Variants in ACTN4 observed in about 807,000 individuals in gnomAD.
ACTN4 encodes alpha-actinin-4.
A neutral mutation model predicts 114.2 loss-of-function variants in ACTN4; 18 were observed. That is an observed-to-expected ratio of 0.16 (90% CI 0.11 to 0.23). ACTN4 has a LOEUF of 0.23. ACTN4 is among the 10% of genes least tolerant of loss of function. The probability of loss-of-function intolerance (pLI) is 1.00; values close to 1 mark genes in which losing one functional copy is unlikely to be tolerated. For synonymous variants in ACTN4, 515 were observed against 506.3 expected, an observed-to-expected ratio of 1.02 and a Z score of -0.23; for missense variants, 722 against 1,262.9, an observed-to-expected ratio of 0.57 and a Z score of 6.49.
intron 1 of ACTN4, among the ~76,000 whole-genome samples, chr19:38,681,345 T>C (rs1184555970): frequency 1.3e-5 from 2 of 151,956 alleles, no homozygotes; most frequent in African/African-American, 4.8e-5. Flanking sequence ...TGGTTTGGAT[T>C]GAGGCTCCCT....
rs187740309 is a variant in ACTN4, at chr19:38,731,019, G to A, written c.*1587G>A. 1.7e-3 allele frequency: 2,656 copies of A among 1,554,138 alleles called. 4 individuals are homozygous for A. Among genetic ancestry groups the A allele is most frequent in the Non-Finnish European group, 2.1e-3 (2,426 of 1,149,072 alleles). On this transcript the variant is annotated 3_prime_UTR_variant, in exon 21 of 21. Transcript: ENST00000252699. The stretch of plus-strand genomic sequence containing the variant: ...CACCCCCATCCAGGTGCTGGCTGCA[G>A]TGGCCTGTGCAGAGAGGGGCAGGGT...
At chr19:38,691,117 A>G (rs1967909499) in intron 1 of ACTN4, among the ~76,000 whole-genome samples, 1 of 152,220 alleles carries the variant, frequency 6.6e-6, no homozygotes, top group South Asian at 2.1e-4. Flanking sequence ...TGCAGTGAGT[A>G]AAACAATGCA....
chr19:38,728,292 G>A (rs1969317646), intron 19 of ACTN4: 1 of 1,530,394 alleles, frequency 6.5e-7, no homozygotes, highest in South Asian at 1.2e-5. Flanking sequence ...GGCCTCCTCT[G>A]CTATGCCTGC....
chr19:38,717,934 A>C lies in ACTN4; in HGVS notation c.1151A>C (p.Asn384Thr). The C allele has an allele frequency of 1.0e-5, 16 of 1,600,532 alleles. No individual in the cohort carries two copies. Among genetic ancestry groups the C allele is most frequent in the Non-Finnish European group, 1.4e-5 (16 of 1,173,170 alleles). ...PSEGKMVSDI[N>T]NGWQHLEQAE... ...GCTCCTGCCCTGCCCCAGGACATCA[A>C]CAATGGCTGGCAGCACTTGGAGCAG... Residue 384 changes from asparagine to threonine, a missense_variant, in exon 11 of 21, where the codon AAC becomes ACC. Asn to Thr is a moderately conservative substitution (Grantham distance 65, BLOSUM62 0). Coordinates refer to ENST00000252699, the MANE Select transcript of ACTN4 (RefSeq NM_004924.6). The surrounding 1 kb of genome is among the most constrained non-coding windows in gnomAD (Gnocchi z 4.0).
intron 19 of ACTN4, 34 bp from the exon 20 acceptor site, chr19:38,728,962 G>T: frequency 6.2e-7 from 1 of 1,611,468 alleles, no homozygotes; most frequent in Non-Finnish European, 8.5e-7. Flanking sequence ...CCCACTAAAT[G>T]TCGGGTGTCC....
chr19:38,708,156 G>A lies in ACTN4; in HGVS notation c.612G>A (p.Arg204=). 6.2e-7 allele frequency: 1 copy of A among 1,614,154 alleles called. No individual in the cohort carries two copies. The highest frequency in any genetic ancestry group is 1.1e-5 in the South Asian group (1 of 91,086). ...DGLAFNALIH[R]HRPELIEYDK... is the part of the protein sequence containing the mutation. ...TTGCCTTCAATGCCCTGATCCACCG[G>A]CACAGACCAGAGCTGATTGAGTATG... Residue 204 remains arginine (R), a synonymous_variant, in exon 6 of 21, where the codon CGG becomes CGA. Coordinates refer to ENST00000252699, the MANE Select transcript of ACTN4 (RefSeq NM_004924.6).
chr19:38,717,950 C>T lies in ACTN4; in HGVS notation c.1167C>T (p.His389=), dbSNP rs772186055. 6.2e-7 allele frequency: 1 copy of T among 1,605,586 alleles called. No individual in the cohort carries two copies. ...MVSDINNGWQ[H]LEQAEKGYEE... ...AGGACATCAACAATGGCTGGCAGCA[C>T]TTGGAGCAGGCTGAGAAGGGCTACG... Residue 389 remains histidine (H), a synonymous_variant, in exon 11 of 21, where the codon CAC becomes CAT. Coordinates refer to ENST00000252699, the MANE Select transcript of ACTN4 (RefSeq NM_004924.6). The surrounding 1 kb of genome is among the most constrained non-coding windows in gnomAD (Gnocchi z 4.0).
At chr19:38,691,409 A>C (rs1274133848) in intron 1 of ACTN4, among the ~76,000 whole-genome samples, 4 of 148,638 alleles carry the variant, frequency 2.7e-5, no homozygotes, top group South Asian at 2.2e-4. Flanking sequence ...CTCAAAAAAA[A>C]AAAAACAAAA....
At position 38,717,431 on chromosome 19, in the gene ACTN4, A is replaced by G. The variant is rs1968879133; in HGVS notation, c.1143+115A>G. 4.3e-6 allele frequency: 6 copies of G among 1,387,736 alleles called. No homozygotes were observed. The African/African-American group carries it at 7.2e-5, about 17-fold the overall frequency. The allele number at this position is 1,387,736 out of a possible 1,614,324, so 86.0% of individuals were successfully genotyped here. Reference sequence around the variant, plus strand: ...CTAAGTTGTTGATGTCCTGTGGGACATGGCATGGCCTTTCGGATGCAGTGG... The same window carrying G: ...CTAAGTTGTTGATGTCCTGTGGGACGTGGCATGGCCTTTCGGATGCAGTGG... On this transcript the variant is annotated intron_variant, in intron 10 of 20. Transcript: ENST00000252699. This position sits in a 1 kb window ranked among gnomAD's most constrained non-coding sequence, Gnocchi z 4.0.
intron 12 of ACTN4, 116 bp from the exon 13 acceptor site, chr19:38,723,498 A>G (rs1969116399): frequency 2.6e-6 from 2 of 768,292 alleles, no homozygotes; most frequent in East Asian, 2.7e-5. Flanking sequence ...GGTTGCTGAT[A>G]TCCTGGAATG....
intron 1 of ACTN4, among the ~76,000 whole-genome samples, chr19:38,655,315 C>T (rs1322991395): frequency 6.6e-6 from 1 of 152,184 alleles, no homozygotes; most frequent in Non-Finnish European, 1.5e-5. Context: ...AGGCTTGAGG[C>T]CTGCTCCCTT....
At chr19:38,712,757 G>A (rs1002664786) in intron 8 of ACTN4, among the ~76,000 whole-genome samples, 1 of 152,102 alleles carries the variant, frequency 6.6e-6, no homozygotes, top group African/African-American at 2.4e-5. Context: ...TCACCCCTAC[G>A]GGCCCCGAAC....
At chr19:38,702,485 C>T (rs909409969) in intron 3 of ACTN4, among the ~76,000 whole-genome samples, 4 of 152,206 alleles carry the variant, frequency 2.6e-5, no homozygotes, top group African/African-American at 7.2e-5. Flanking sequence ...TCATGAGAAA[C>T]GCCATCCTCC....
chr19:38,726,436 C>T (rs1217558860), intron 17 of ACTN4, among the ~76,000 whole-genome samples: 2 of 152,234 alleles, frequency 1.3e-5, no homozygotes, highest in Non-Finnish European at 2.9e-5. Flanking sequence ...GCACCGTTTG[C>T]CCTGTGGCCT....
chr19:38,672,309 C>T (rs539910194), intron 1 of ACTN4, among the ~76,000 whole-genome samples: 3 of 136,196 alleles, frequency 2.2e-5, no homozygotes, highest in South Asian at 2.4e-4. Context: ...GGCGTGATAT[C>T]GGCTTACTGC....
intron 1 of ACTN4, among the ~76,000 whole-genome samples, chr19:38,656,851 C>T (rs73552659): frequency 1.5e-3 from 222 of 152,276 alleles, no homozygotes; most frequent in African/African-American, 5.2e-3. Flanking sequence ...TTCATCTTTT[C>T]CCCTCCCTGA....
At position 38,731,267 on chromosome 19, in the gene ACTN4, C is replaced by G; in HGVS notation, c.*1835C>G. ...TGAGCCCAGTGGCCCACAGGGAACC[C>G]ACCTTGGCATTGCATCCCCACCCCA... On this transcript the variant is annotated 3_prime_UTR_variant, in exon 21 of 21. Coordinates refer to ENST00000252699, the MANE Select transcript of ACTN4 (RefSeq NM_004924.6). 6.6e-7 allele frequency: 1 copy of G among 1,520,610 alleles called. No homozygotes were observed. The highest frequency in any genetic ancestry group is 9.1e-7 in the Non-Finnish European group (1 of 1,099,234). 94.2% of individuals were successfully genotyped at this position (1,520,610 alleles called of 1,614,324 possible).
At chr19:38,675,877 T>A (rs1201970889) in intron 1 of ACTN4, among the ~76,000 whole-genome samples, 2 of 152,200 alleles carry the variant, frequency 1.3e-5, no homozygotes, top group Non-Finnish European at 2.9e-5. Context: ...GCTGAGAGGC[T>A]GCCCGCAGCT....
chr19:38,710,024 A>T (rs1174628736), intron 7 of ACTN4, among the ~76,000 whole-genome samples: 1 of 152,084 alleles, frequency 6.6e-6, no homozygotes, highest in Admixed American at 6.5e-5. Flanking sequence ...CCTTGAGGCC[A>T]TTCTCAGAGA....
Sources: gnomAD v4.1 joint callset for allele counts (sites outside exome capture counted in the v4.1 genomes callset) on GRCh38, gnomAD v4.1.1 for gene constraint, Gnocchi (gnomAD v3.1) non-coding constraint, MANE v1.5 for transcripts, NCBI Gene and HGNC (gene_info 2026-07-23, HGNC 2026-07-21) for gene names.